Variants in ITGA7 observed in about 807,000 individuals in gnomAD.
The protein encoded by ITGA7 is integrin subunit alpha 7, also known as integrin alpha-7.
In ITGA7, 84 loss-of-function variants were observed where a neutral mutation model predicts 131.6. The ratio of observed to expected loss-of-function variants is 0.64; its 90% CI spans 0.54 to 0.77. The LOEUF (loss-of-function observed/expected upper bound fraction) is 0.77. Ranked by LOEUF, ITGA7 falls within the 30% of genes least tolerant of loss-of-function variation. The pLI is 0.00. For synonymous variants in ITGA7, 548 were observed against 600.7 expected (o/e 0.91, Z 1.28); for missense variants, 1,399 against 1,482.9 (o/e 0.94, Z 0.93).
intron 1 of ITGA7, among the ~76,000 whole-genome samples, chr12:55,704,161 C>G (rs1488947441): frequency 2.0e-5 from 3 of 152,198 alleles, no homozygotes; most frequent in Non-Finnish European, 4.4e-5. Context: ...TCAGAAGTGG[C>G]AGTGGGACAA....
chr12:55,697,760 A>G lies in ITGA7; in HGVS notation c.1344T>C (p.Asp448=), dbSNP rs1251329020. The G allele has an allele frequency of 1.2e-6, 2 of 1,614,058 alleles. 1 individual carries two copies. Among genetic ancestry groups the G allele is most frequent in the South Asian group, 2.2e-5 (2 of 91,080 alleles). ...GGTCAGGGTATTGGTTCCCATCCAT[A>G]TCCAAGCTGCCTGACAGGGAGTAGC... The part of the protein sequence containing the change: ...SFGYSLSGSL[D]MDGNQYPDLL... Residue 448 remains aspartate, a synonymous_variant, in exon 9 of 25, where the codon GAT becomes GAC. Transcript: ENST00000257879.
intron 24 of ITGA7, 29 bp downstream of exon 24, chr12:55,687,942 C>A: frequency 1.2e-6 from 2 of 1,613,082 alleles, no homozygotes; most frequent in Non-Finnish European, 8.5e-7. Flanking sequence ...AGGAAGTCCA[C>A]CCCCATCAGC....
chr12:55,709,178 T>A (rs1592502246), upstream of ITGA7, among the ~76,000 whole-genome samples: 1 of 152,318 alleles, frequency 6.6e-6, no homozygotes, highest in East Asian at 1.9e-4. Context: ...ACACTTGGAA[T>A]CTTTCTCAGA....
intron 24 of ITGA7, among the ~76,000 whole-genome samples, chr12:55,685,596 C>G (rs987848845): frequency 4.6e-5 from 7 of 152,142 alleles, no homozygotes; most frequent in Admixed American, 4.6e-4. Context: ...ATTTGTACCC[C>G]CTCTAGCTTC....
chr12:55,708,850 A>G (rs1592501492), upstream of ITGA7, among the ~76,000 whole-genome samples: 2 of 152,262 alleles, frequency 1.3e-5, no homozygotes, highest in East Asian at 3.9e-4. Flanking sequence ...TGGGGCTGAG[A>G]TGGGATCTCC....
intron 4 of ITGA7, 22 bp downstream of exon 4, chr12:55,700,877 C>G (rs1873852497): frequency 1.2e-6 from 2 of 1,614,088 alleles, no homozygotes; most frequent in Admixed American, 1.7e-5. Flanking sequence ...TCCCCTTCTC[C>G]CCTTCCCGAG....
intron 3 of ITGA7, among the ~76,000 whole-genome samples, chr12:55,701,931 A>T (rs1223931032): frequency 6.6e-6 from 1 of 152,118 alleles, no homozygotes; most frequent in Admixed American, 6.6e-5. Flanking sequence ...CCCCACAGTG[A>T]TCTGTATTGG....
In ITGA7 at chr12:55,697,832, C is replaced by T. The variant is rs1336150077; in HGVS notation, c.1282-10G>A. 3.7e-6 allele frequency: 6 copies of T among 1,613,962 alleles called. No homozygotes were observed. The highest frequency in any genetic ancestry group is 3.3e-5 in the Admixed American group (2 of 59,998). On this transcript the variant is annotated splice_polypyrimidine_tract_variant and intron_variant, in intron 8 of 24. Coordinates refer to ENST00000257879, the MANE Select transcript of ITGA7 (RefSeq NM_002206.3). ...CCTCGCCCTCCAGCACCTAGAGAAC[C>T]AGCTGTCAGCCTCCCTCAATCCCAC...
chr12:55,684,971 G>C lies in ITGA7; in HGVS notation c.*87C>G. On this transcript the variant is annotated 3_prime_UTR_variant, in exon 25 of 25. Coordinates refer to ENST00000257879, the MANE Select transcript of ITGA7 (RefSeq NM_002206.3). ...CCTGCCAAATCTTGATGCGACACCAGCAGCCCACTCTACCCTCTTCATCCC... is the reference window on the plus strand; with the variant it reads ...CCTGCCAAATCTTGATGCGACACCACCAGCCCACTCTACCCTCTTCATCCC... 8.8e-7 allele frequency: 1 copy of C among 1,132,332 alleles called. No individual in the cohort carries two copies. The highest frequency in any genetic ancestry group is 1.6e-5 in the African/African-American group (1 of 64,280). 70.1% of individuals were successfully genotyped at this position (1,132,332 alleles called of 1,614,324 possible).
upstream of ITGA7, chr12:55,716,022 C>A: frequency 6.5e-7 from 1 of 1,532,178 alleles, no homozygotes; most frequent in Non-Finnish European, 8.8e-7. Context: ...GGGCGGTTCC[C>A]AACCTCACGT....
intron 5 of ITGA7, among the ~76,000 whole-genome samples, chr12:55,699,314 TC>T (rs750422875): frequency 1.6e-4 from 24 of 151,516 alleles, no homozygotes; most frequent in Non-Finnish European, 2.9e-4. Flanking sequence ...GAGCTAGAGG[TC>T]CCTCTCAGGC....
chr12:55,710,218 G>A (rs1170827128), upstream of ITGA7, among the ~76,000 whole-genome samples: 2 of 152,002 alleles, frequency 1.3e-5, no homozygotes, highest in African/African-American at 2.4e-5. Context: ...AAAATTAGCC[G>A]GGTGTGGTGG....
chr12:55,687,973 T>A lies in ITGA7; in HGVS notation c.3181A>T (p.Lys1061Ter). ...VLALLVLLLW[K>*]MGFFKRAKHP... ...TCAGCCCCACCTCCAAGCCTCACCT[T>A]CCACAGGAGCAGCACCAGCAGTGCT... Residue 1061 changes from lysine to a stop codon, truncating the protein, a stop_gained and splice_region_variant, in exon 24 of 25, where the codon AAG becomes TAG. Coordinates refer to ENST00000257879, the MANE Select transcript of ITGA7 (RefSeq NM_002206.3). LOFTEE classifies it high-confidence loss of function. 1 of 1,614,032 alleles carries A rather than the reference T, an allele frequency of 6.2e-7. No homozygotes were observed. Among genetic ancestry groups the A allele is most frequent in the Non-Finnish European group, 8.5e-7 (1 of 1,180,006 alleles).
At position 55,707,748 on chromosome 12, in the gene ITGA7, C is replaced by T. The variant is rs1482818772; in HGVS notation, c.-66G>A. The T allele has an allele frequency of 5.8e-6, 9 of 1,549,212 alleles. No homozygotes were observed. The highest frequency in any genetic ancestry group is 7.9e-6 in the Non-Finnish European group (9 of 1,146,368). Reference sequence around the variant, plus strand: ...ATCTCGCACGCCCCAAGCCCCAGGTCCCCCCAGGCGCGTCTCTGGTCTCCA... The same window carrying T: ...ATCTCGCACGCCCCAAGCCCCAGGTTCCCCCAGGCGCGTCTCTGGTCTCCA... On this transcript the variant is annotated 5_prime_UTR_variant, in exon 1 of 25. Transcript: ENST00000257879.
At chr12:55,687,118 C>T (rs1316364727) in intron 24 of ITGA7, among the ~76,000 whole-genome samples, 2 of 151,884 alleles carry the variant, frequency 1.3e-5, no homozygotes, top group African/African-American at 4.8e-5. Flanking sequence ...GCTCACCACT[C>T]CCATCCCACT....
At chr12:55,716,002 G>A (rs4457792), upstream of ITGA7, 3 of 1,501,204 alleles carry the variant, frequency 2.0e-6, no homozygotes, top group Admixed American at 2.4e-5. Context: ...CTTCACCCAA[G>A]GTCTCAAGAG....
intron 21 of ITGA7, among the ~76,000 whole-genome samples, chr12:55,691,605 TTAAA>T (rs1271388803): frequency 6.6e-6 from 1 of 152,206 alleles, no homozygotes; most frequent in African/African-American, 2.4e-5. Context: ...TTTTTGTCAT[TTAAA>T]TAAATAAATA....
upstream of ITGA7, among the ~76,000 whole-genome samples, chr12:55,709,736 G>T (rs1565647360): frequency 7.2e-6 from 1 of 139,224 alleles, no homozygotes; most frequent in Non-Finnish European, 1.5e-5. Flanking sequence ...CCTCCTATCT[G>T]CACCTGCAGC....
rs547717359 is a variant in ITGA7, at chr12:55,692,888, A to G, written c.2800T>C (p.Trp934Arg). ...TTCTCAGCAGAGGACACTGGCCACC[A>G]GGACATGCTGGGCTCCTGCCGCTCA... is the stretch of plus-strand genomic sequence containing the variant. ...PGERQEPSMSWWPVSSAEKKK... is the reference protein window; with the variant it reads ...PGERQEPSMSRWPVSSAEKKK... Residue 934 changes from tryptophan (W) to arginine (R), a missense_variant, in exon 21 of 25, where the codon TGG (tryptophan) becomes CGG (arginine). Transcript: ENST00000257879. The G allele has an allele frequency of 2.1e-5, 34 of 1,614,056 alleles. No individual in the cohort carries two copies. The East Asian group carries it at 6.5e-4, about 31-fold the overall frequency.
Sources: gnomAD v4.1 joint callset for allele counts (sites outside exome capture counted in the v4.1 genomes callset) on GRCh38, gnomAD v4.1.1 for gene constraint, MANE v1.5 for transcripts, NCBI Gene and HGNC (gene_info 2026-07-23, HGNC 2026-07-21) for gene names.